Variants in TWSG1 observed in about 807,000 individuals in gnomAD.
The protein encoded by TWSG1 is twisted gastrulation protein homolog 1.
In TWSG1, 15 loss-of-function variants were observed where a neutral mutation model predicts 23.0. That is an observed-to-expected ratio of 0.65 (90% confidence interval 0.44 to 1.00). The LOEUF (loss-of-function observed/expected upper bound fraction) is 1.00. TWSG1 is among the 50% of genes least tolerant of loss of function. TWSG1 has a pLI of 0.00. For synonymous variants in TWSG1, 86 were observed against 92.8 expected (o/e 0.93, Z 0.42); for missense variants, 242 against 278.7 (o/e 0.87, Z 0.94).
In TWSG1 at chr18:9,343,210, TTATATATATATA is replaced by T. The variant is rs6146209; in HGVS notation, c.123+5898_123+5909del. Among the ~76,000 whole-genome samples the T allele has an allele frequency of 5.4e-3, 709 of 131,902 alleles. 5 individuals are homozygous for T. Among genetic ancestry groups the T allele is most frequent in the Middle Eastern group, 0.02 (5 of 248 alleles). The allele number at this position is 131,902 out of a possible 152,430, so 86.5% of individuals were successfully genotyped here. On this transcript the variant is annotated intron_variant, in intron 2 of 4. Coordinates refer to ENST00000262120, the MANE Select transcript of TWSG1 (RefSeq NM_020648.6). ...AGGAAATGCCCTGTTTTGTTTTTTG[TTATATATATATA>T]TATATATATATATATATATATATAT... is the stretch of plus-strand genomic sequence containing the variant.
chr18:9,378,304 A>G (rs1217938295), intron 3 of TWSG1, among the ~76,000 whole-genome samples: 1 of 152,220 alleles, frequency 6.6e-6, no homozygotes, highest in African/African-American at 2.4e-5. Flanking sequence ...GCATCCAAAT[A>G]GGAAGAGAGG....
At chr18:9,384,901 C>T (rs532646302) in intron 3 of TWSG1, among the ~76,000 whole-genome samples, 51 of 152,332 alleles carry the variant, frequency 3.3e-4, no homozygotes, top group Non-Finnish European at 6.5e-4. Context: ...CTGCCTCAGC[C>T]TCCCAAAGTG....
chr18:9,389,865 T>A (rs187270408), intron 3 of TWSG1, among the ~76,000 whole-genome samples: 1 of 152,358 alleles, frequency 6.6e-6, no homozygotes, highest in East Asian at 1.9e-4. Context: ...TCCAGATCAC[T>A]GCAGTAAAGC....
chr18:9,396,619 A>T (rs759850977), intron 4 of TWSG1, 73 bp downstream of exon 4: 3 of 1,521,132 alleles, frequency 2.0e-6, no homozygotes, highest in Non-Finnish European at 2.6e-6. Flanking sequence ...TAAAACCTAT[A>T]TAAGACCATC....
At chr18:9,344,490 C>CGTGTGTGTGTGTGTGTGTGTGT (rs1491456878) in intron 2 of TWSG1, among the ~76,000 whole-genome samples, 3 of 113,066 alleles carry the variant, frequency 2.7e-5, no homozygotes, top group African/African-American at 7.0e-5. Flanking sequence ...TTAGTGAATG[C>CGTGTGTGTGTGTGTGTGTGTGT]ATGTGTGTGT....
chr18:9,344,690 G>A (rs1476186745), intron 2 of TWSG1, among the ~76,000 whole-genome samples: 3 of 151,742 alleles, frequency 2.0e-5, no homozygotes, highest in Non-Finnish European at 4.4e-5. Flanking sequence ...CACCATGTCT[G>A]GTTAGCTTAT....
intron 2 of TWSG1, among the ~76,000 whole-genome samples, chr18:9,356,872 G>A (rs887998430): frequency 6.7e-6 from 1 of 148,500 alleles, no homozygotes; most frequent in Non-Finnish European, 1.5e-5. Context: ...ACCTGTATAA[G>A]CAACTAAGAT....
Position 9,359,787 on chromosome 18 carries a change from CA to C in TWSG1, c.124-177del, listed in dbSNP as rs940763142. Among the ~76,000 whole-genome samples, 9 of 151,266 alleles carry C rather than the reference CA, an allele frequency of 5.9e-5. No homozygotes were observed. The South Asian group carries it at 1.0e-3, about 18-fold the overall frequency. ...TCAAAGTATGTTCACTGAATATATC[CA>C]AAAAAAATCTACGTGACATTGTAGA... On this transcript the variant is annotated intron_variant, in intron 2 of 4. Coordinates refer to ENST00000262120, the MANE Select transcript of TWSG1 (RefSeq NM_020648.6).
chr18:9,397,158 T>A (rs576728885), intron 4 of TWSG1: 1 of 152,552 alleles, frequency 6.6e-6, no homozygotes, highest in Admixed American at 6.5e-5. Flanking sequence ...TAGATAATTG[T>A]TCCTAATTCT....
intron 2 of TWSG1, among the ~76,000 whole-genome samples, chr18:9,340,367 C>CCAA (rs2040441134): frequency 1.5e-5 from 1 of 67,098 alleles, no homozygotes; most frequent in Non-Finnish European, 2.7e-5. Context: ...GACTCCATTT[C>CCAA]AAAAAAAAAA....
intron 2 of TWSG1, among the ~76,000 whole-genome samples, chr18:9,339,896 A>AGTG (rs2040438578): frequency 6.6e-6 from 1 of 152,320 alleles, no homozygotes; most frequent in Admixed American, 6.5e-5. Context: ...AGCTTCACCT[A>AGTG]ACTCAAATGG....
chr18:9,375,920 CTT>C (rs535999368), intron 3 of TWSG1, among the ~76,000 whole-genome samples: 1 of 148,510 alleles, frequency 6.7e-6, no homozygotes, highest in Admixed American at 6.8e-5. Context: ...CATCTATAGA[CTT>C]TTTTTTTTTC....
At position 9,399,412 on chromosome 18, in the gene TWSG1, A is replaced by G. The variant is rs1568041876; in HGVS notation, c.557A>G (p.Glu186Gly). The change falls in exon 5 of 5, where the codon GAG (glutamate) becomes GGG (glycine). Residue 186 changes from glutamate to glycine, a missense_variant. Transcript: ENST00000262120. ...MSIHQCKISC[E>G]SMGASKYRWF... ...ATACATCAGTGTAAAATATCCTGTG[A>G]GTCCATGGGAGCATCCAAATATCGC... 1.2e-6 allele frequency: 2 copies of G among 1,614,000 alleles called. No homozygotes were observed. The highest frequency in any genetic ancestry group is 1.7e-6 in the Non-Finnish European group (2 of 1,179,918).
At chr18:9,356,361 G>T (rs1395341632) in intron 2 of TWSG1, among the ~76,000 whole-genome samples, 1 of 152,126 alleles carries the variant, frequency 6.6e-6, no homozygotes, top group African/African-American at 2.4e-5. Flanking sequence ...CTTTCTGTTT[G>T]TTCGCAGTAA....
chr18:9,363,396 GT>G (rs1195897673), intron 3 of TWSG1, among the ~76,000 whole-genome samples: 1 of 151,650 alleles, frequency 6.6e-6, no homozygotes, highest in East Asian at 1.9e-4. Context: ...CGTACTACCT[GT>G]TCCAATAGTC....
chr18:9,382,360 T>C (rs2040660988), intron 3 of TWSG1, among the ~76,000 whole-genome samples: 1 of 151,918 alleles, frequency 6.6e-6, no homozygotes, highest in Admixed American at 6.6e-5. Flanking sequence ...CTGTCTCTAT[T>C]AAAAATACAA....
rs1331965823 is a variant in TWSG1, at chr18:9,391,991, C to A, written c.224-4289C>A. On this transcript the variant is annotated intron_variant, in intron 3 of 4. Transcript: ENST00000262120. ...ACCATGCTATAAACAAATGTGCTGT[C>A]ATCCAGGCTTTGTTGTTCCATTTCT... Among the ~76,000 whole-genome samples, 4 of 152,220 alleles carry A rather than the reference C, an allele frequency of 2.6e-5. No individual in the cohort carries two copies. In the East Asian group the frequency reaches 7.7e-4, roughly 29 times the overall value.
chr18:9,390,445 G>A (rs2040707405), intron 3 of TWSG1, among the ~76,000 whole-genome samples: 1 of 152,154 alleles, frequency 6.6e-6, no homozygotes, highest in Non-Finnish European at 1.5e-5. Flanking sequence ...ACAGGCGTGA[G>A]CCACTGCGCC....
intron 2 of TWSG1, among the ~76,000 whole-genome samples, chr18:9,348,037 G>A (rs1215671310): frequency 1.3e-5 from 2 of 152,102 alleles, no homozygotes; most frequent in Non-Finnish European, 2.9e-5. Context: ...TAAGAATGAG[G>A]CAATAAAACC....
Sources: gnomAD v4.1 joint callset for allele counts (sites outside exome capture counted in the v4.1 genomes callset) on GRCh38, gnomAD v4.1.1 for gene constraint, MANE v1.5 for transcripts, NCBI Gene and HGNC (gene_info 2026-07-23, HGNC 2026-07-21) for gene names.